Variants in CFAP46 observed in about 807,000 individuals in gnomAD.
CFAP46 encodes the protein cilia and flagella associated protein 46, also known as cilia- and flagella-associated protein 46.
CFAP46 carries 245 observed loss-of-function variants against 325.7 expected under a neutral mutation model. That is an observed-to-expected ratio of 0.75 (90% CI 0.68 to 0.84). CFAP46 has a LOEUF of 0.84. Among genes scored for constraint, CFAP46 ranks in the 40% least tolerant of loss-of-function variants. The pLI is 0.00. For missense variants in CFAP46, 3,346 were observed against 3,543.0 expected (o/e 0.94, Z 1.41); for synonymous variants, 1,523 against 1,495.9 (o/e 1.02, Z -0.42).
In CFAP46 at chr10:132,836,155, C is replaced by T. The variant is rs777149378; in HGVS notation, c.6600G>A (p.Val2200=). The change falls in exon 46 of 58, where the codon GTG becomes GTA. Residue 2200 remains valine, a synonymous_variant. Transcript: ENST00000368586. ...AGCCCTGCTCACCTCCCACCGCCTG[C>T]ACCTTTCCTTTGGCTGCAGTAATGA... ...PKFITAAKGK[V]QAVGGSCKVM... The T allele has an allele frequency of 8.1e-6, 13 of 1,608,326 alleles. No homozygotes were observed. In the East Asian group the frequency reaches 2.2e-4, roughly 28 times the overall value.
At position 132,922,200 on chromosome 10, in the gene CFAP46, T is replaced by C. The variant is rs971490867; in HGVS notation, c.1510A>G (p.Ser504Gly). 1.3e-6 allele frequency: 2 copies of C among 1,550,270 alleles called. No individual in the cohort carries two copies. Among genetic ancestry groups the C allele is most frequent in the Non-Finnish European group, 1.7e-6 (2 of 1,146,790 alleles). ...EQAKKATPKD[S>G]VRKKRALLVN... The stretch of plus-strand genomic sequence containing the variant: ...AGGAGGGCCCGCTTCTTCCTGACGC[T>C]GTCCTTTGGTGTAGCTTTTTTTGCC... Residue 504 changes from serine (S) to glycine (G), a missense_variant, in exon 13 of 58, where the codon AGC becomes GGC. By Grantham distance (56) the Ser-to-Gly change is moderately conservative (BLOSUM62 0). Transcript: ENST00000368586.
chr10:132,848,019 G>A (rs1848469644), intron 41 of CFAP46, among the ~76,000 whole-genome samples: 1 of 152,096 alleles, frequency 6.6e-6, no homozygotes, highest in African/African-American at 2.4e-5. Flanking sequence ...CATGCACGGA[G>A]CCTGGCCCCT....
At chr10:132,909,285 C>T (rs756375555) in intron 20 of CFAP46, 41 bp from the exon 21 acceptor site, 20 of 1,393,880 alleles carry the variant, frequency 1.4e-5, no homozygotes, top group African/African-American at 2.9e-5. Context: ...CCCAAGCGTG[C>T]GGGGGGAGTC....
In CFAP46 at chr10:132,810,502, C is replaced by T. The variant is rs538497416; in HGVS notation, c.7584-13G>A. Reference sequence around the variant, plus strand: ...ACGGCCAACAGATCTAGGGGAGAAACGTCCCCTCAGGAGGGCATGGACACC... The same window carrying T: ...ACGGCCAACAGATCTAGGGGAGAAATGTCCCCTCAGGAGGGCATGGACACC... On this transcript the variant is annotated splice_polypyrimidine_tract_variant and intron_variant, in intron 56 of 57. Coordinates refer to ENST00000368586, the MANE Select transcript of CFAP46 (RefSeq NM_001200049.3). The T allele has an allele frequency of 1.2e-5, 19 of 1,608,264 alleles. No individual in the cohort carries two copies. The highest frequency in any genetic ancestry group is 3.3e-4 in the Middle Eastern group (2 of 6,054).
chr10:132,927,749 T>A (rs1849834277), intron 9 of CFAP46, among the ~76,000 whole-genome samples: 1 of 152,260 alleles, frequency 6.6e-6, no homozygotes, highest in Admixed American at 6.5e-5. Flanking sequence ...GTGAAATGTA[T>A]TACAGTGGAT....
At position 132,811,038 on chromosome 10, in the gene CFAP46, G is replaced by A. The variant is rs1591026703; in HGVS notation, c.7502-7C>T. On this transcript the variant is annotated splice_polypyrimidine_tract_variant and splice_region_variant and intron_variant, in intron 55 of 57. Transcript: ENST00000368586. ...AGGACTGCCACCTGGCACTCTGCCGGGACGGGAAGGGCAGCTCAGCAGCCT... is the reference window on the plus strand; with the variant it reads ...AGGACTGCCACCTGGCACTCTGCCGAGACGGGAAGGGCAGCTCAGCAGCCT... The A allele has an allele frequency of 6.3e-7, 1 of 1,578,902 alleles. No homozygotes were observed. Among genetic ancestry groups the A allele is most frequent in the Non-Finnish European group, 8.6e-7 (1 of 1,162,952 alleles).
intron 36 of CFAP46, 63 bp from the exon 37 acceptor site, chr10:132,860,586 G>A (rs111435692): frequency 0.061 from 80,893 of 1,316,640 alleles, 2,929 homozygotes; most frequent in Non-Finnish European, 0.068. Flanking sequence ...ATACAGGCCT[G>A]AGGACGGGCG....
chr10:132,924,868 G>T lies in CFAP46; in HGVS notation c.1084C>A (p.Gln362Lys), dbSNP rs1849784259. 1 of 1,397,286 alleles carries T rather than the reference G, an allele frequency of 7.2e-7. No homozygotes were observed. Among genetic ancestry groups the T allele is most frequent in the Non-Finnish European group, 9.4e-7 (1 of 1,068,698 alleles). 86.6% of individuals were successfully genotyped at this position (1,397,286 alleles called of 1,614,324 possible). ...AAVEAQLDII[Q>K]RLDVALQRAV... is the part of the protein sequence containing the mutation. Reference sequence around the variant, plus strand: ...CGCTGCAGCGCGACGTCTAGCCTCTGTATGATATCCAGCTGGGCCTGCGGA... The same window carrying T: ...CGCTGCAGCGCGACGTCTAGCCTCTTTATGATATCCAGCTGGGCCTGCGGA... The change falls in exon 11 of 58, where the codon CAG (glutamine) becomes AAG (lysine). Residue 362 changes from glutamine to lysine, a missense_variant. Coordinates refer to ENST00000368586, the MANE Select transcript of CFAP46 (RefSeq NM_001200049.3).
chr10:132,823,066 ATGTGTGCTG>A (rs1473639983), intron 50 of CFAP46, among the ~76,000 whole-genome samples: 2 of 87,538 alleles, frequency 2.3e-5, no homozygotes, highest in Non-Finnish European at 4.3e-5. Flanking sequence ...GTGAGTGCTG[ATGTGTGCTG>A]TGTGTGCTGA....
At chr10:132,879,051 G>A (rs1373578380) in intron 29 of CFAP46, among the ~76,000 whole-genome samples, 1 of 152,208 alleles carries the variant, frequency 6.6e-6, no homozygotes, top group African/African-American at 2.4e-5. Flanking sequence ...GCCTGCCGCT[G>A]CCTTGGTGTG....
At chr10:132,860,068 G>A (rs1001954793) in intron 37 of CFAP46, among the ~76,000 whole-genome samples, 8 of 152,204 alleles carry the variant, frequency 5.3e-5, no homozygotes, top group African/African-American at 9.6e-5. Flanking sequence ...CGTGCCTGCC[G>A]CAAGGGTTTT....
chr10:132,883,249 C>T (rs563412802), intron 27 of CFAP46, among the ~76,000 whole-genome samples: 1 of 152,304 alleles, frequency 6.6e-6, no homozygotes, highest in Non-Finnish European at 1.5e-5. Context: ...AAAGAACCTG[C>T]ATCCACGATA....
intron 57 of CFAP46, 98 bp downstream of exon 57, chr10:132,810,311 G>A: frequency 3.0e-6 from 3 of 1,001,178 alleles, no homozygotes; most frequent in Non-Finnish European, 4.8e-6. Context: ...GAGAAGCGGA[G>A]ACACCTGTCC....
intron 10 of CFAP46, 76 bp from the exon 11 acceptor site, chr10:132,924,962 G>A: frequency 8.1e-7 from 1 of 1,228,214 alleles, no homozygotes; most frequent in Non-Finnish European, 1.1e-6. Context: ...CTGCGTGCAG[G>A]GCACACTGAG....
Position 132,899,106 on chromosome 10 carries a change from C to T in CFAP46, c.3072G>A (p.Ala1024=). Residue 1024 remains alanine (A), a synonymous_variant, in exon 24 of 58, where the codon GCG becomes GCA. Coordinates refer to ENST00000368586, the MANE Select transcript of CFAP46 (RefSeq NM_001200049.3). The stretch of plus-strand genomic sequence containing the variant: ...CCAGCATCACCAGGGCGCTGCTGCC[C>T]GCGATGCCTCCGAACCTAAAAGAGG... The part of the protein sequence containing the change: ...FTESARFGGI[A]GSSALVMLAA... 3.9e-6 allele frequency: 6 copies of T among 1,549,736 alleles called. No individual in the cohort carries two copies. The highest frequency in any genetic ancestry group is 5.2e-6 in the Non-Finnish European group (6 of 1,146,880).
chr10:132,811,006 G>A lies in CFAP46; in HGVS notation c.7527C>T (p.Asp2509=), dbSNP rs764452171. 9.4e-6 allele frequency: 15 copies of A among 1,604,180 alleles called. No homozygotes were observed. Among genetic ancestry groups the A allele is most frequent in the Non-Finnish European group, 1.3e-5 (15 of 1,175,816 alleles). ...LQECQVAVLL[D]LARSYQSLKR... ...TCAAGCTCTGGTAGGACCGCGCCAGGTCCAGCAGGACTGCCACCTGGCACT... is the reference window on the plus strand; with the variant it reads ...TCAAGCTCTGGTAGGACCGCGCCAGATCCAGCAGGACTGCCACCTGGCACT... Residue 2509 remains aspartate (D), a synonymous_variant, in exon 56 of 58, where the codon GAC becomes GAT. Coordinates refer to ENST00000368586, the MANE Select transcript of CFAP46 (RefSeq NM_001200049.3).
intron 22 of CFAP46, among the ~76,000 whole-genome samples, chr10:132,900,850 T>C (rs550848930): frequency 6.6e-6 from 1 of 152,380 alleles, no homozygotes; most frequent in East Asian, 1.9e-4. Flanking sequence ...TGTCAGCTGC[T>C]GAGAGAGGAA....
At chr10:132,844,262 T>C (rs2135084596) in intron 44 of CFAP46, among the ~76,000 whole-genome samples, 1 of 152,250 alleles carries the variant, frequency 6.6e-6, no homozygotes, top group Non-Finnish European at 1.5e-5. Flanking sequence ...TGACCTCTCC[T>C]GTCCTGGCTG....
rs1849682519 is a variant in CFAP46 at position 132,919,208 on chromosome 10, C to T, written c.1858+107G>A. On this transcript the variant is annotated intron_variant, in intron 15 of 57. Transcript: ENST00000368586. This position sits in a 1 kb window ranked among gnomAD's most constrained non-coding sequence, Gnocchi z 9.7. ...CCATTGTGACTTAGCAATACGCTTT[C>T]TCATGCGAAGGCCCCATGGGTTGTC... is the stretch of plus-strand genomic sequence containing the variant. 3 of 1,208,140 alleles carry T rather than the reference C, an allele frequency of 2.5e-6. No individual in the cohort carries two copies. The South Asian group carries it at 5.0e-5, about 20-fold the overall frequency. The allele number at this position is 1,208,140 out of a possible 1,614,324, so 74.8% of individuals were successfully genotyped here.
Sources: allele counts gnomAD v4.1 joint callset (sites outside exome capture counted in the v4.1 genomes callset), GRCh38; gene constraint gnomAD v4.1.1; non-coding constraint Gnocchi (gnomAD v3.1); transcripts MANE v1.5; gene names NCBI Gene and HGNC (gene_info 2026-07-23, HGNC 2026-07-21).